The following SEC22C variants were observed in gnomAD, a reference collection of about 807,000 sequenced individuals.
SEC22C encodes the protein SEC22 homolog C, vesicle trafficking protein.
SEC22C carries 29 observed loss-of-function variants against 34.7 expected under a neutral mutation model. That is an observed-to-expected ratio of 0.84 (90% CI 0.62 to 1.14). The LOEUF (loss-of-function observed/expected upper bound fraction) is 1.14, where lower values mean the gene tolerates loss of function less well. Among genes scored for constraint, SEC22C ranks in the 50% most tolerant of loss-of-function variants. The pLI is 0.00. For missense variants in SEC22C, 337 were observed against 369.0 expected (o/e 0.91, Z 0.71); for synonymous variants, 117 against 132.8 (o/e 0.88, Z 0.82).
chr3:42,577,221 CA>C (rs1704024696), intron 1 of SEC22C, among the ~76,000 whole-genome samples: 2 of 152,034 alleles, frequency 1.3e-5, no homozygotes, highest in South Asian at 4.1e-4. Flanking sequence ...GATATGACAC[CA>C]AAAGCATAAT....
At chr3:42,577,981 C>A (rs1460995089) in intron 1 of SEC22C, among the ~76,000 whole-genome samples, 2 of 150,930 alleles carry the variant, frequency 1.3e-5, no homozygotes, top group Non-Finnish European at 3.0e-5. Context: ...AAAAAAAAAA[C>A]AAAAACAAAA....
In SEC22C at chr3:42,552,419, A is replaced by T; in HGVS notation, c.*829T>A. On this transcript the variant is annotated 3_prime_UTR_variant, in exon 7 of 7. Coordinates refer to ENST00000264454, the MANE Select transcript of SEC22C (RefSeq NM_032970.4). ...CCACTGAATCCATGTTCATTCACCT[A>T]CTCCAGGTTGTGGTCAATTGTAAGT... 1 of 985,210 alleles carries T rather than the reference A, an allele frequency of 1.0e-6. No homozygotes were observed. Among genetic ancestry groups the T allele is most frequent in the Non-Finnish European group, 1.2e-6 (1 of 829,872 alleles). The allele number at this position is 985,210 out of a possible 1,614,324, so 61.0% of individuals were successfully genotyped here. A position where few individuals can be genotyped will look rare whatever the true frequency, so the allele number is the denominator to read the frequency against.
chr3:42,561,072 A>T (rs1702871459), intron 4 of SEC22C, 45 bp downstream of exon 4: 4 of 1,564,818 alleles, frequency 2.6e-6, no homozygotes, highest in African/African-American at 2.7e-5. Context: ...CATTTGAAAT[A>T]CACAATATCA....
At chr3:42,578,758 A>G (rs1035573462) in intron 1 of SEC22C, among the ~76,000 whole-genome samples, 1 of 152,226 alleles carries the variant, frequency 6.6e-6, no homozygotes, top group Non-Finnish European at 1.5e-5. Context: ...TGTACTGGTT[A>G]CTTAAATTAT....
chr3:42,600,936 C>T (rs1705345548), intron 1 of SEC22C: 40 of 1,247,234 alleles, frequency 3.2e-5, no homozygotes, highest in Non-Finnish European at 4.2e-5. Context: ...CTGCCCTCGC[C>T]CCCGCCCTCG....
chr3:42,577,894 T>C (rs1197024386), intron 1 of SEC22C, among the ~76,000 whole-genome samples: 4 of 151,750 alleles, frequency 2.6e-5, no homozygotes, highest in African/African-American at 9.7e-5. Flanking sequence ...CACTTGAACC[T>C]GGGAGGCGGA....
In SEC22C at chr3:42,549,854, G is replaced by T. The variant is rs1253432800; in HGVS notation, c.*3394C>A. The T allele has an allele frequency of 3.0e-6, 3 of 985,306 alleles. No homozygotes were observed. Among genetic ancestry groups the T allele is most frequent in the Non-Finnish European group, 3.6e-6 (3 of 829,948 alleles). 61.0% of individuals were successfully genotyped at this position (985,306 alleles called of 1,614,324 possible). ...TGTTTTAATTCCAGCATTCTCCAGA[G>T]TTCACAGAAAAGAGGGATGCAAGCC... On this transcript the variant is annotated 3_prime_UTR_variant, in exon 7 of 7. Transcript: ENST00000264454.
intron 1 of SEC22C, among the ~76,000 whole-genome samples, chr3:42,592,452 G>T (rs572739145): frequency 7.2e-5 from 11 of 152,050 alleles, no homozygotes; most frequent in Non-Finnish European, 1.6e-4. Flanking sequence ...CACCCACCTC[G>T]ACCTCCCAAA....
At chr3:42,593,034 T>TA (rs372776586) in intron 1 of SEC22C, among the ~76,000 whole-genome samples, 9 of 151,808 alleles carry the variant, frequency 5.9e-5, no homozygotes, top group East Asian at 5.8e-4. Flanking sequence ...AACACAACAA[T>TA]AAAAAAAATA....
chr3:42,597,679 A>T (rs1206771837), intron 1 of SEC22C, among the ~76,000 whole-genome samples: 1 of 152,220 alleles, frequency 6.6e-6, no homozygotes, highest in East Asian at 1.9e-4. Context: ...GCAGCCCAAC[A>T]CAAACTCATA....
intron 1 of SEC22C, among the ~76,000 whole-genome samples, chr3:42,570,291 C>T (rs940488289): frequency 6.6e-6 from 1 of 152,186 alleles, no homozygotes; most frequent in African/African-American, 2.4e-5. Context: ...TGTCTCAAAT[C>T]CACCTTCTCA....
Position 42,591,038 on chromosome 3 carries a change from G to C in SEC22C, c.-28+9922C>G, listed in dbSNP as rs535205409. ...CCCGAGGGGCTGCGGGGTGCGAGAA[G>C]CATCCTGTAGTGAGCGGCCTCCCAG... is the stretch of plus-strand genomic sequence containing the variant. On this transcript the variant is annotated intron_variant, in intron 1 of 6. Coordinates refer to the SEC22C transcript ENST00000417572. 3.7e-4 allele frequency: 546 copies of C among 1,495,576 alleles called. 2 individuals are homozygous for C. The African/African-American group carries it at 6.8e-3, about 19-fold the overall frequency. The allele number at this position is 1,495,576 out of a possible 1,614,324, so 92.6% of individuals were successfully genotyped here. A position where few individuals can be genotyped will look rare whatever the true frequency, so the allele number is the denominator to read the frequency against.
intron 3 of SEC22C, among the ~76,000 whole-genome samples, chr3:42,562,302 G>T (rs1466841089): frequency 6.6e-6 from 1 of 152,214 alleles, no homozygotes; most frequent in Non-Finnish European, 1.5e-5. Flanking sequence ...GGGGAGAGAA[G>T]AACACAGGTC....
chr3:42,550,808 A>G lies in SEC22C; in HGVS notation c.*2440T>C, dbSNP rs1702215055. On this transcript the variant is annotated 3_prime_UTR_variant, in exon 7 of 7. Transcript: ENST00000264454. ...CAAAGCACCTGGGGTACAGGTCTACATGGCAACCCAATGCCACATAGGAAA... is the reference window on the plus strand; with the variant it reads ...CAAAGCACCTGGGGTACAGGTCTACGTGGCAACCCAATGCCACATAGGAAA... 4 of 984,184 alleles carry G rather than the reference A, an allele frequency of 4.1e-6. No homozygotes were observed. Among genetic ancestry groups the G allele is most frequent in the African/African-American group, 1.8e-5 (1 of 56,856 alleles). 61.0% of individuals were successfully genotyped at this position (984,184 alleles called of 1,614,324 possible). A position where few individuals can be genotyped will look rare whatever the true frequency, so the allele number is the denominator to read the frequency against.
At chr3:42,561,381 C>CT (rs988170052) in intron 3 of SEC22C, 85 bp from the exon 4 acceptor site, 189 of 1,417,316 alleles carry the variant, frequency 1.3e-4, no homozygotes, top group Non-Finnish European at 1.6e-4. Flanking sequence ...GTTCACATTT[C>CT]TTTTTTTTGA....
rs1702208026 is a variant in SEC22C at position 42,550,663 on chromosome 3, C to G, written c.*2585G>C. On this transcript the variant is annotated 3_prime_UTR_variant, in exon 7 of 7. Transcript: ENST00000264454. ...TGTTAACTGATATCCACACATTCGA[C>G]CTGGTGTGGATAACATCTCTGGTAG... 1.0e-6 allele frequency: 1 copy of G among 984,868 alleles called. No individual in the cohort carries two copies. The allele number at this position is 984,868 out of a possible 1,614,324, so 61.0% of individuals were successfully genotyped here. A position where few individuals can be genotyped will look rare whatever the true frequency, so the allele number is the denominator to read the frequency against.
intron 1 of SEC22C, among the ~76,000 whole-genome samples, chr3:42,576,797 A>T (rs1163456689): frequency 5.3e-5 from 8 of 152,086 alleles, no homozygotes; most frequent in Admixed American, 5.2e-4. Context: ...ATGCGTATGA[A>T]AAGGCAAAGA....
At chr3:42,590,958 A>G (rs745484109) in intron 1 of SEC22C, 3 of 835,654 alleles carry the variant, frequency 3.6e-6, no homozygotes, top group Non-Finnish European at 5.4e-6. Context: ...TCAAGAGACT[A>G]TCCAGCGGGT....
chr3:42,555,394 T>C (rs1702474834), intron 6 of SEC22C, among the ~76,000 whole-genome samples: 1 of 152,082 alleles, frequency 6.6e-6, no homozygotes, highest in South Asian at 2.1e-4. Context: ...CTTGCTATGT[T>C]GCCCTGGTTG....
Sources: allele counts gnomAD v4.1 joint callset (sites outside exome capture counted in the v4.1 genomes callset), GRCh38; gene constraint gnomAD v4.1.1; transcripts MANE v1.5; gene names NCBI Gene and HGNC (gene_info 2026-07-23, HGNC 2026-07-21).